Variants in WDR31 observed in about 807,000 individuals in gnomAD.
The protein encoded by WDR31 is WD repeat-containing protein 31.
In WDR31, 30 loss-of-function variants were observed where a neutral mutation model predicts 47.3. The observed-to-expected ratio is 0.63, with a 90% CI of 0.47 to 0.86. The LOEUF is 0.86. Ranked by LOEUF, WDR31 falls within the 40% of genes least tolerant of loss-of-function variation. WDR31 has a pLI of 0.00. For missense variants in WDR31, 406 were observed against 442.9 expected (o/e 0.92, Z 0.75); for synonymous variants, 137 against 159.4 (o/e 0.86, Z 1.06).
At chr9:113,320,102 T>C (rs1458326746) in intron 9 of WDR31, among the ~76,000 whole-genome samples, 3 of 152,216 alleles carry the variant, frequency 2.0e-5, no homozygotes, top group Non-Finnish European at 4.4e-5. Context: ...TATTTTTTTA[T>C]AGAGACAGGG....
intron 3 of WDR31, 38 bp from the exon 4 acceptor site, chr9:113,331,154 G>C: frequency 7.1e-7 from 1 of 1,418,010 alleles, no homozygotes; most frequent in South Asian, 1.6e-5. Context: ...CCAATGGCAT[G>C]GGAGTGGATG....
At chr9:113,328,381 C>A (rs1833523173) in intron 5 of WDR31, among the ~76,000 whole-genome samples, 2 of 152,188 alleles carry the variant, frequency 1.3e-5, no homozygotes, top group Admixed American at 1.3e-4. Flanking sequence ...TTTAGGCGGA[C>A]TTCAGAGCGG....
chr9:113,316,768 T>G lies in WDR31; in HGVS notation c.1085A>C (p.Gln362Pro). ...RMDHSQGLELQEVAAF is the reference protein window; with the variant it reads ...RMDHSQGLELPEVAAF ...TTGGCCTCAGAATGCTGCCACTTCC[T>G]GCAGTTCCAGCCCTTGGCTGTGGTC... The change falls in exon 11 of 11, where the codon CAG becomes CCG. Residue 362 changes from glutamine to proline, a missense_variant. Coordinates refer to ENST00000374193, the MANE Select transcript of WDR31 (RefSeq NM_001012361.4). The G allele has an allele frequency of 6.2e-7, 1 of 1,614,064 alleles. No individual in the cohort carries two copies. The highest frequency in any genetic ancestry group is 1.7e-5 in the Admixed American group (1 of 60,012).
chr9:113,321,057 G>A (rs1286600288), intron 8 of WDR31, among the ~76,000 whole-genome samples: 2 of 152,124 alleles, frequency 1.3e-5, no homozygotes, highest in Non-Finnish European at 2.9e-5. Flanking sequence ...ATCCTCTCCG[G>A]TCTAAGAACT....
At chr9:113,337,431 C>T (rs1248144725) in intron 1 of WDR31, among the ~76,000 whole-genome samples, 3 of 151,098 alleles carry the variant, frequency 2.0e-5, no homozygotes, top group Non-Finnish European at 4.4e-5. Context: ...ACTGACATGA[C>T]ATTCGAAGGA....
At chr9:113,324,824 ATATATG>A (rs1211919666) in intron 5 of WDR31, among the ~76,000 whole-genome samples, 82 of 93,178 alleles carry the variant, frequency 8.8e-4, no homozygotes, top group African/African-American at 3.6e-3. Context: ...TGCTATATAT[ATATATG>A]TGTGTGTGTG....
intron 5 of WDR31, among the ~76,000 whole-genome samples, chr9:113,327,878 C>A (rs935993030): frequency 1.3e-5 from 2 of 152,232 alleles, no homozygotes; most frequent in Admixed American, 1.3e-4. Context: ...CTTGAACCTG[C>A]GAGATGGAGG....
At chr9:113,326,554 T>A (rs1279271481) in intron 5 of WDR31, among the ~76,000 whole-genome samples, 1 of 151,990 alleles carries the variant, frequency 6.6e-6, no homozygotes, top group Admixed American at 6.6e-5. Context: ...GCAGCCTCCA[T>A]CTCCCTGGCT....
intron 2 of WDR31, among the ~76,000 whole-genome samples, chr9:113,332,883 G>A (rs185849682): frequency 1.9e-3 from 285 of 152,198 alleles, no homozygotes; most frequent in Middle Eastern, 6.8e-3. Context: ...GTTCCCACAA[G>A]AACGAATTGT....
chr9:113,324,739 C>T (rs189003761), intron 5 of WDR31, among the ~76,000 whole-genome samples: 1 of 151,792 alleles, frequency 6.6e-6, no homozygotes, highest in East Asian at 1.9e-4. Flanking sequence ...ATGTATATTA[C>T]CGCATTTTGT....
At chr9:113,326,516 G>C (rs1334293754) in intron 5 of WDR31, among the ~76,000 whole-genome samples, 2 of 151,264 alleles carry the variant, frequency 1.3e-5, no homozygotes, top group African/African-American at 4.9e-5. Context: ...ACCCAGGCTG[G>C]GGTGCAATGG....
intron 9 of WDR31, among the ~76,000 whole-genome samples, chr9:113,318,964 GGGGAGCCCCAAA>G (rs1833270024): frequency 6.6e-6 from 1 of 152,236 alleles, no homozygotes; most frequent in Admixed American, 6.5e-5. Context: ...GGGAACCCAT[GGGGAGCCCCAAA>G]CAACAGTATG....
At chr9:113,330,422 CA>C (rs1379094028) in intron 4 of WDR31, among the ~76,000 whole-genome samples, 1 of 152,064 alleles carries the variant, frequency 6.6e-6, no homozygotes, top group Non-Finnish European at 1.5e-5. Flanking sequence ...TTATTCACTA[CA>C]AAAAGAATTA....
chr9:113,335,881 T>C (rs979822035), intron 2 of WDR31, among the ~76,000 whole-genome samples: 1 of 152,230 alleles, frequency 6.6e-6, no homozygotes, highest in Non-Finnish European at 1.5e-5. Flanking sequence ...TCTCTCGTTA[T>C]TCATCTTTGT....
intron 5 of WDR31, among the ~76,000 whole-genome samples, chr9:113,328,665 G>T (rs1288505113): frequency 6.6e-6 from 1 of 152,094 alleles, no homozygotes; most frequent in Non-Finnish European, 1.5e-5. Context: ...TGCTATTAAG[G>T]GCTTAATGAC....
At position 113,333,294 on chromosome 9, in the gene WDR31, AT is replaced by A. The variant is rs1413235981; in HGVS notation, c.-28-1245del. Among the ~76,000 whole-genome samples the A allele has an allele frequency of 1.3e-4, 15 of 116,596 alleles. 1 individual carries two copies. The East Asian group carries it at 3.1e-3, about 24-fold the overall frequency. The allele number at this position is 116,596 out of a possible 152,430, so 76.5% of individuals were successfully genotyped here. Reference sequence around the variant, plus strand: ...AAGATGTAATCAAAAATAAAAAATAATTTACACTACTGAAGCTTCTTGAAAA... The same window carrying A: ...AAGATGTAATCAAAAATAAAAAATAATTACACTACTGAAGCTTCTTGAAAA... On this transcript the variant is annotated intron_variant, in intron 2 of 10. Coordinates refer to ENST00000374193, the MANE Select transcript of WDR31 (RefSeq NM_001012361.4).
Position 113,318,497 on chromosome 9 carries a change from C to A in WDR31, c.921G>T (p.Lys307Asn). ...TACCTCCAGTATCTTGGTTCCAAAT[C>A]TTCACCTTGCAATCATGTGATGAGG... Reference protein sequence around the residue: ...IATSSHDCKVKIWNQDTGACL... With the variant: ...IATSSHDCKVNIWNQDTGACL... Residue 307 changes from lysine to asparagine, a missense_variant, in exon 10 of 11, where the codon AAG (lysine) becomes AAT (asparagine). Physicochemically the swap from Lys to Asn is moderately conservative, Grantham distance 94. Transcript: ENST00000374193. 1 of 1,614,218 alleles carries A rather than the reference C, an allele frequency of 6.2e-7. No individual in the cohort carries two copies. The highest frequency in any genetic ancestry group is 8.5e-7 in the Non-Finnish European group (1 of 1,180,032).
Position 113,313,489 on chromosome 9 carries a change from C to T in WDR31, c.*3260G>A, listed in dbSNP as rs2118743684. 1 of 152,362 alleles carries T rather than the reference C, an allele frequency of 6.6e-6. No homozygotes were observed. The highest frequency in any genetic ancestry group is 2.1e-4 in the South Asian group (1 of 4,828). 9.4% of individuals were successfully genotyped at this position (152,362 alleles called of 1,614,324 possible). On this transcript the variant is annotated 3_prime_UTR_variant, in exon 11 of 11. Transcript: ENST00000374193. Reference sequence around the variant, plus strand: ...CCTAGGCACTTGGGCAGGGGATCTCCTTGGAGCCAGAAAGTTAATAACTGG... The same window carrying T: ...CCTAGGCACTTGGGCAGGGGATCTCTTTGGAGCCAGAAAGTTAATAACTGG...
rs7864788 is a variant in WDR31, at chr9:113,315,349, T to C, written c.*1400A>G. On this transcript the variant is annotated 3_prime_UTR_variant, in exon 11 of 11. Transcript: ENST00000374193. ...AGGGAAGAAGGAAGGTGGCTGTCAG[T>C]CACTGGTATCAGAGACAAGCAGAGG... The C allele has an allele frequency of 0.55, 82,985 of 151,516 alleles. 23,186 individuals are homozygous for C. Among genetic ancestry groups the C allele is most frequent in the South Asian group, 0.64 (3,061 of 4,770 alleles). 9.4% of individuals were successfully genotyped at this position (151,516 alleles called of 1,614,324 possible).
Sources: allele counts gnomAD v4.1 joint callset (sites outside exome capture counted in the v4.1 genomes callset), GRCh38; gene constraint gnomAD v4.1.1; transcripts MANE v1.5; gene names NCBI Gene and HGNC (gene_info 2026-07-23, HGNC 2026-07-21).